ABCC8: variants seen among roughly 807,000 people sequenced by gnomAD.
ABCC8 encodes ATP binding cassette subfamily C member 8.
Under a neutral mutation model 188.0 loss-of-function variants are expected in ABCC8, and 137 were observed. The observed-to-expected ratio is 0.73, with a 90% CI of 0.63 to 0.84. The LOEUF (loss-of-function observed/expected upper bound fraction) is 0.84, where lower values mean the gene tolerates loss of function less well. Ranked by LOEUF, ABCC8 falls within the 40% of genes least tolerant of loss-of-function variation. The pLI is 0.00. For synonymous variants in ABCC8, 797 were observed against 846.5 expected (o/e 0.94, Z 1.01); for missense variants, 1,750 against 2,072.7 (o/e 0.84, Z 3.02).
intron 6 of ABCC8, among the ~76,000 whole-genome samples, chr11:17,458,154 T>C (rs186427172): frequency 9.8e-5 from 15 of 152,296 alleles, no homozygotes; most frequent in Non-Finnish European, 1.9e-4. Flanking sequence ...TATATTTACT[T>C]TCAACTCTTG....
rs2133408961 is a variant in ABCC8 at position 17,397,278 on chromosome 11, C to A, written c.3903G>T (p.Leu1301=). ...SNYLNWMVRN[L]ADMELQLGAV... is the part of the protein sequence containing the mutation. ...CCCCCAGCTGGAGCTCCATGTCTGC[C>A]AGGTTCCTCACCATCCAGTTGAGGT... The change falls in exon 32 of 39, where the codon CTG becomes CTT. Residue 1301 remains leucine (L), a synonymous_variant. Coordinates refer to ENST00000389817, the MANE Select transcript of ABCC8 (RefSeq NM_000352.6). The A allele has an allele frequency of 6.2e-7, 1 of 1,613,272 alleles. No individual in the cohort carries two copies. Among genetic ancestry groups the A allele is most frequent in the Non-Finnish European group, 8.5e-7 (1 of 1,180,020 alleles).
At position 17,431,283 on chromosome 11, in the gene ABCC8, G is replaced by A. The variant is rs149186378; in HGVS notation, c.1672-324C>T. ...ACGGCCCCCTCTGCAGACAGCAGGCGGGGTGCTCATCTCCCCAGTCCTCAT... is the reference window on the plus strand; with the variant it reads ...ACGGCCCCCTCTGCAGACAGCAGGCAGGGTGCTCATCTCCCCAGTCCTCAT... On this transcript the variant is annotated intron_variant, in intron 11 of 38. Transcript: ENST00000389817. Among the ~76,000 whole-genome samples the A allele has an allele frequency of 1.8e-4, 27 of 152,308 alleles. No homozygotes were observed. The East Asian group carries it at 4.8e-3, about 27-fold the overall frequency.
At position 17,427,137 on chromosome 11, in the gene ABCC8, C is replaced by G; in HGVS notation, c.2134G>C (p.Val712Leu). The G allele has an allele frequency of 6.2e-7, 1 of 1,613,202 alleles. No homozygotes were observed. The highest frequency in any genetic ancestry group is 8.5e-7 in the Non-Finnish European group (1 of 1,179,648). ...RIPRGQLTMI[V>L]GQVGCGKSSL... ...GACTTGCCGCAGCCCACCTGCCCCA[C>G]GATCATAGTCAGCTGGCCTGCAGGG... Residue 712 changes from valine (V) to leucine (L), a missense_variant, in exon 16 of 39, where the codon GTG becomes CTG. Physicochemically the swap from Val to Leu is conservative, Grantham distance 32. Coordinates refer to ENST00000389817, the MANE Select transcript of ABCC8 (RefSeq NM_000352.6). The surrounding 1 kb of genome is among the most constrained non-coding windows in gnomAD (Gnocchi z 5.0).
rs1955887665 is a variant in ABCC8, at chr11:17,432,366, T to G, written c.1631-122A>C. On this transcript the variant is annotated intron_variant, in intron 10 of 38. Transcript: ENST00000389817. The stretch of plus-strand genomic sequence containing the variant: ...GCCAGCCTGTGGGGCACAGCTCCAG[T>G]AGGCTAGGGGCAGAACTCTAGCCCT... The G allele has an allele frequency of 8.5e-6, 13 of 1,537,936 alleles. No homozygotes were observed. The South Asian group carries it at 1.3e-4, about 16-fold the overall frequency.
chr11:17,468,932 G>A (rs1246757996), intron 3 of ABCC8, among the ~76,000 whole-genome samples: 1 of 152,116 alleles, frequency 6.6e-6, no homozygotes, highest in Non-Finnish European at 1.5e-5. Context: ...CATCTCAGAA[G>A]CTCTAAGTGG....
chr11:17,397,746 T>C lies in ABCC8; in HGVS notation c.3805A>G (p.Asn1269Asp). The C allele has an allele frequency of 6.2e-7, 1 of 1,613,752 alleles. No homozygotes were observed. Among genetic ancestry groups the C allele is most frequent in the Middle Eastern group, 1.6e-4 (1 of 6,062 alleles). ...VLIAAVTSIS[N>D]SLHRELSAGL... ...GCAGAGAGCTCCCTGTGCAGGGAGTTGGAGATGGAGGTCACCGCTGCGATG... is the reference window on the plus strand; with the variant it reads ...GCAGAGAGCTCCCTGTGCAGGGAGTCGGAGATGGAGGTCACCGCTGCGATG... Residue 1269 changes from asparagine to aspartate, a missense_variant, in exon 31 of 39, where the codon AAC becomes GAC. By Grantham distance (23) the Asn-to-Asp change is conservative. Transcript: ENST00000389817.
chr11:17,460,250 T>C (rs150476484), intron 6 of ABCC8, among the ~76,000 whole-genome samples: 112 of 152,284 alleles, frequency 7.4e-4, no homozygotes, highest in African/African-American at 2.6e-3. Context: ...CCGGGAGAGG[T>C]ACTATGGTAG....
chr11:17,417,413 C>G (rs1313477677), intron 16 of ABCC8, among the ~76,000 whole-genome samples: 1 of 152,070 alleles, frequency 6.6e-6, no homozygotes, highest in Non-Finnish European at 1.5e-5. Flanking sequence ...GTGTACTGCA[C>G]GTGGTACTGT....
chr11:17,458,569 G>T (rs559421130), intron 6 of ABCC8, among the ~76,000 whole-genome samples: 3 of 152,194 alleles, frequency 2.0e-5, no homozygotes, highest in Non-Finnish European at 2.9e-5. Flanking sequence ...ATCGCCAATG[G>T]GGGTATTCTG....
Position 17,461,720 on chromosome 11 carries a change from T to C in ABCC8, c.685A>G (p.Thr229Ala), listed in dbSNP as rs984164636. The C allele has an allele frequency of 1.9e-6, 3 of 1,614,008 alleles. No individual in the cohort carries two copies. The highest frequency in any genetic ancestry group is 1.7e-6 in the Non-Finnish European group (2 of 1,180,028). ...QPFVNLLSKG[T>A]YWWMNAFIKT... ...ATGAAGGCGTTCATCCACCAGTAGGTGCCTTTGGACAGCAGATTCACGAAG... is the reference window on the plus strand; with the variant it reads ...ATGAAGGCGTTCATCCACCAGTAGGCGCCTTTGGACAGCAGATTCACGAAG... The change falls in exon 5 of 39, where the codon ACC becomes GCC. Residue 229 changes from threonine to alanine, a missense_variant. By Grantham distance (58) the Thr-to-Ala change is moderately conservative (BLOSUM62 0). Transcript: ENST00000389817.
At chr11:17,394,057 A>G (rs1258223508) in intron 37 of ABCC8, among the ~76,000 whole-genome samples, 1 of 152,218 alleles carries the variant, frequency 6.6e-6, no homozygotes, top group East Asian at 1.9e-4. Context: ...GTGTGTTTGC[A>G]TAGTGTTTTT....
chr11:17,411,891 C>CTTTTT (rs1262103548), intron 21 of ABCC8, among the ~76,000 whole-genome samples: 2 of 122,962 alleles, frequency 1.6e-5, no homozygotes, highest in African/African-American at 6.2e-5. Flanking sequence ...CGAATACGTT[C>CTTTTT]TTTTTTTTTT....
intron 10 of ABCC8, 155 bp from the exon 11 acceptor site, chr11:17,432,399 T>C (rs540273141): frequency 6.9e-7 from 1 of 1,456,774 alleles, no homozygotes; most frequent in South Asian, 1.4e-5. Context: ...CCTGTGGCAC[T>C]TCCAGTTCCT....
chr11:17,449,796 C>T (rs1956689662), intron 7 of ABCC8, among the ~76,000 whole-genome samples: 1 of 152,164 alleles, frequency 6.6e-6, no homozygotes, highest in Non-Finnish European at 1.5e-5. Context: ...AGGCAGGAAC[C>T]TATTCTATGT....
chr11:17,423,163 C>A (rs960997577), intron 16 of ABCC8, among the ~76,000 whole-genome samples: 4 of 151,712 alleles, frequency 2.6e-5, no homozygotes, highest in Non-Finnish European at 5.9e-5. Flanking sequence ...TCGAGATTAC[C>A]CTGGCCAACA....
chr11:17,415,804 G>A (rs1049550081), intron 17 of ABCC8, among the ~76,000 whole-genome samples: 1 of 152,188 alleles, frequency 6.6e-6, no homozygotes, highest in African/African-American at 2.4e-5. Flanking sequence ...CTGCACTCTG[G>A]GGCTGGGAAC....
At chr11:17,409,353 C>T (rs974452794) in intron 22 of ABCC8, among the ~76,000 whole-genome samples, 2 of 152,158 alleles carry the variant, frequency 1.3e-5, no homozygotes, top group Non-Finnish European at 2.9e-5. Context: ...CCCTCCCGCC[C>T]TATGCTGGGG....
At chr11:17,460,832 G>T in intron 5 of ABCC8, 156 bp from the exon 6 acceptor site, 1 of 1,462,056 alleles carries the variant, frequency 6.8e-7, no homozygotes, top group Admixed American at 2.1e-5. Context: ...CATGGAATCA[G>T]CAAGTGCACA....
intron 3 of ABCC8, among the ~76,000 whole-genome samples, chr11:17,467,349 C>T (rs891898947): frequency 6.6e-6 from 1 of 152,172 alleles, no homozygotes; most frequent in African/African-American, 2.4e-5. Context: ...ACCCAGGAAG[C>T]GGAGGTTGTA....
Sources: allele counts gnomAD v4.1 joint callset (sites outside exome capture counted in the v4.1 genomes callset), GRCh38; gene constraint gnomAD v4.1.1; non-coding constraint Gnocchi (gnomAD v3.1); transcripts MANE v1.5; gene names NCBI Gene and HGNC (gene_info 2026-07-23, HGNC 2026-07-21).